Variants in FBN1 observed in about 807,000 individuals in gnomAD.
The protein encoded by FBN1 is fibrillin 1.
FBN1 carries 29 observed loss-of-function variants against 365.1 expected under a neutral mutation model. The observed-to-expected ratio is 0.08, with a 90% CI of 0.06 to 0.11. FBN1 has a LOEUF of 0.11. Ranked by LOEUF, FBN1 falls within the 10% of genes least tolerant of loss-of-function variation. The pLI, the probability that FBN1 is intolerant of heterozygous loss-of-function variation, is 1.00. For missense variants in FBN1, 2,476 were observed against 3,703.2 expected, an observed-to-expected ratio of 0.67 and a Z score of 8.60; for synonymous variants, 1,210 against 1,270.5, an observed-to-expected ratio of 0.95 and a Z score of 1.01.
At chr15:48,560,627 G>C (rs777634215) in intron 6 of FBN1, among the ~76,000 whole-genome samples, 6 of 152,110 alleles carry the variant, frequency 3.9e-5, no homozygotes, top group Non-Finnish European at 8.8e-5. Context: ...AGTATTCCTC[G>C]GTTGTCTTCG....
At chr15:48,533,659 A>G (rs1256703218) in intron 8 of FBN1, among the ~76,000 whole-genome samples, 1 of 152,228 alleles carries the variant, frequency 6.6e-6, no homozygotes, top group African/African-American at 2.4e-5. Flanking sequence ...TAATAGATCA[A>G]TCTGCCTCCC....
chr15:48,495,960 T>C (rs547505980), intron 20 of FBN1, 140 bp downstream of exon 20: 1 of 1,027,662 alleles, frequency 9.7e-7, no homozygotes, highest in African/African-American at 1.6e-5. Flanking sequence ...TACATACTAG[T>C]GCCATGTAGA....
At chr15:48,430,120 G>A (rs1210772842) in intron 56 of FBN1, among the ~76,000 whole-genome samples, 1 of 152,194 alleles carries the variant, frequency 6.6e-6, no homozygotes, top group East Asian at 1.9e-4. Context: ...TGGCAGGCTG[G>A]AATTAGCCTG....
intron 6 of FBN1, among the ~76,000 whole-genome samples, chr15:48,558,623 G>A (rs1290181079): frequency 1.3e-5 from 2 of 152,252 alleles, no homozygotes; most frequent in African/African-American, 4.8e-5. Flanking sequence ...CAAAATATCT[G>A]GCTACAGCAC....
At chr15:48,584,349 A>C (rs1341878645) in intron 6 of FBN1, among the ~76,000 whole-genome samples, 1 of 152,216 alleles carries the variant, frequency 6.6e-6, no homozygotes, top group Non-Finnish European at 1.5e-5. Context: ...TCAGTTTTCT[A>C]GGAATGGCTA....
At chr15:48,568,157 A>C (rs55939871) in intron 6 of FBN1, among the ~76,000 whole-genome samples, 1,640 of 150,712 alleles carry the variant, frequency 0.011, 36 homozygotes, top group African/African-American at 0.038. Context: ...AAAAAAAAAA[A>C]AGTCCAGAAA....
chr15:48,487,231 A>G, intron 28 of FBN1, 31 bp from the exon 29 acceptor site: 1 of 1,614,122 alleles, frequency 6.2e-7, no homozygotes, highest in Non-Finnish European at 8.5e-7. Flanking sequence ...ACAAACACCC[A>G]AACATAAGCT....
rs749606552 is a variant in FBN1, at chr15:48,446,756, T to C, written c.5738A>G (p.Asn1913Ser). The change falls in exon 47 of 66, where the codon AAC (asparagine) becomes AGC (serine). Residue 1913 changes from asparagine (N) to serine (S), a missense_variant. Coordinates refer to ENST00000316623, the MANE Select transcript of FBN1 (RefSeq NM_000138.5). Reference sequence around the variant, plus strand: ...GATGAAACCATGATTGCAGCGGCAGTTGAAGGAACCAATTGTGTTCCGGCA... The same window carrying C: ...GATGAAACCATGATTGCAGCGGCAGCTGAAGGAACCAATTGTGTTCCGGCA... ...GTCRNTIGSF[N>S]CRCNHGFILS... The C allele has an allele frequency of 8.1e-6, 13 of 1,613,416 alleles. No homozygotes were observed. Among genetic ancestry groups the C allele is most frequent in the South Asian group, 2.2e-5 (2 of 91,082 alleles).
chr15:48,538,265 C>G (rs1195563866), intron 6 of FBN1, among the ~76,000 whole-genome samples: 1 of 152,150 alleles, frequency 6.6e-6, no homozygotes. Flanking sequence ...GCTGAGAAAG[C>G]AAAGAATTTT....
Position 48,488,272 on chromosome 15 carries a change from A to G in FBN1, c.3209-31T>C, listed in dbSNP as rs1352163509. 1.9e-6 allele frequency: 3 copies of G among 1,614,126 alleles called. No individual in the cohort carries two copies. In the African/African-American group the frequency reaches 4.0e-5, roughly 22 times the overall value. On this transcript the variant is annotated intron_variant, in intron 26 of 65. Coordinates refer to ENST00000316623, the MANE Select transcript of FBN1 (RefSeq NM_000138.5). The stretch of plus-strand genomic sequence containing the variant: ...CAAAAACAGCAAGTGGCAGCAAATG[A>G]GTCTCAGGACAGCCTTAATTCTTGC...
At chr15:48,446,850 CATAATT>C in intron 46 of FBN1, 28 bp from the exon 47 acceptor site, 1 of 1,458,130 alleles carries the variant, frequency 6.9e-7, no homozygotes, top group Non-Finnish European at 9.6e-7. Context: ...CATAAAGAAA[CATAATT>C]ATAAGTAGAA....
At chr15:48,510,691 C>T (rs1208175672) in intron 13 of FBN1, among the ~76,000 whole-genome samples, 1 of 152,120 alleles carries the variant, frequency 6.6e-6, no homozygotes, top group African/African-American at 2.4e-5. Flanking sequence ...CTGATAGATT[C>T]TTAGTCTTTT....
rs148396006 is a variant in FBN1, at chr15:48,495,534, G to T, written c.2474C>A (p.Pro825Gln). 6.2e-7 allele frequency: 1 copy of T among 1,613,898 alleles called. No homozygotes were observed. Among genetic ancestry groups the T allele is most frequent in the Non-Finnish European group, 8.5e-7 (1 of 1,179,982 alleles). The change falls in exon 21 of 66, where the codon CCA becomes CAA. Residue 825 changes from proline to glutamine, a missense_variant. Coordinates refer to ENST00000316623, the MANE Select transcript of FBN1 (RefSeq NM_000138.5). ...AGAACATTCACAAATAAAAGAGCCT[G>T]GGCTGTTCTTGCAGACTCCATTAAT... The part of the protein sequence containing the change: ...PCINGVCKNS[P>Q]GSFICECSSE...
chr15:48,490,996 A>G (rs2043553585), intron 24 of FBN1, among the ~76,000 whole-genome samples: 1 of 152,220 alleles, frequency 6.6e-6, no homozygotes. Context: ...GGTTTCCTCT[A>G]ACGTTAGAAA....
intron 6 of FBN1, among the ~76,000 whole-genome samples, chr15:48,593,583 C>G (rs533778516): frequency 6.6e-6 from 1 of 152,268 alleles, no homozygotes; most frequent in African/African-American, 2.4e-5. Context: ...TGTTGGCAAA[C>G]AGCAATTATT....
rs983469033 is a variant in FBN1, at chr15:48,496,129, A to C, written c.2390T>G (p.Ile797Ser). Residue 797 changes from isoleucine to serine, a missense_variant, in exon 20 of 66, where the codon ATC (isoleucine) becomes AGC (serine). Ile to Ser is a moderately radical substitution (Grantham distance 142). Transcript: ENST00000316623. ...ACATGTTTTTAGATCAGGTTTGTAG[A>C]TAAATCCCTTGGGGCAGGTACAGAC... ...SFVCTCPKGFIYKPDLKTCED... is the reference protein window; with the variant it reads ...SFVCTCPKGFSYKPDLKTCED... 6 of 1,613,762 alleles carry C rather than the reference A, an allele frequency of 3.7e-6. No homozygotes were observed. The highest frequency in any genetic ancestry group is 1.7e-5 in the Admixed American group (1 of 60,010).
chr15:48,463,310 A>G (rs923409099), intron 41 of FBN1, 70 bp from the exon 42 acceptor site: 163 of 1,408,894 alleles, frequency 1.2e-4, no homozygotes, highest in Non-Finnish European at 8.0e-6. Context: ...CAAATTTCTA[A>G]GTGGATACTC....
intron 15 of FBN1, among the ~76,000 whole-genome samples, chr15:48,506,586 A>G (rs990863806): frequency 6.6e-6 from 1 of 152,240 alleles, no homozygotes; most frequent in African/African-American, 2.4e-5. Context: ...GTAGATCCAA[A>G]GGGAGGTAAC....
chr15:48,519,453 G>A (rs1392947360), intron 10 of FBN1, among the ~76,000 whole-genome samples: 1 of 152,154 alleles, frequency 6.6e-6, no homozygotes, highest in Non-Finnish European at 1.5e-5. Context: ...ATTTCCTAAT[G>A]AGATTGATCA....
Sources: gnomAD v4.1 joint callset for allele counts (sites outside exome capture counted in the v4.1 genomes callset) on GRCh38, gnomAD v4.1.1 for gene constraint, MANE v1.5 for transcripts, NCBI Gene and HGNC (gene_info 2026-07-23, HGNC 2026-07-21) for gene names.